Variants in ARHGAP39 observed in about 807,000 individuals in gnomAD.
The protein encoded by ARHGAP39 is Rho GTPase activating protein 39.
In ARHGAP39, 44 loss-of-function variants were observed where a neutral mutation model predicts 106.9. That is an observed-to-expected ratio of 0.41 (90% CI 0.32 to 0.53). The LOEUF is 0.53. Among genes scored for constraint, ARHGAP39 ranks in the 20% least tolerant of loss-of-function variants. The pLI, the probability that ARHGAP39 is intolerant of heterozygous loss-of-function variation, is 0.21. For missense variants in ARHGAP39, 1,496 were observed against 1,577.3 expected (o/e 0.95, Z 0.87); for synonymous variants, 768 against 693.2 (o/e 1.11, Z -1.69).
chr8:144,543,810 TGGCCCAAGATG>T (rs142031323), intron 6 of ARHGAP39: 7,189 of 152,228 alleles, frequency 0.047, 548 homozygotes, highest in African/African-American at 0.16. Context: ...GCTAGGCAGC[TGGCCCAAGATG>T]GGCCCAAGAA....
chr8:144,693,796 G>A, the ARHGAP39 span, among the ~76,000 whole-genome samples: 1 of 152,220 alleles, frequency 6.6e-6, no homozygotes, highest in South Asian at 2.1e-4. Context: ...GCACTAAATG[G>A]AAAAGGAATG....
chr8:144,567,854 C>G (rs1212486601), intron 3 of ARHGAP39, among the ~76,000 whole-genome samples: 2 of 152,204 alleles, frequency 1.3e-5, no homozygotes, highest in Non-Finnish European at 2.9e-5. Context: ...ATGGCTCACT[C>G]TCCTTATCCT....
chr8:144,615,083 G>A (rs1820599472), intron 1 of ARHGAP39, among the ~76,000 whole-genome samples: 2 of 152,266 alleles, frequency 1.3e-5, no homozygotes, highest in South Asian at 2.1e-4. Flanking sequence ...CACTTTGGGA[G>A]ACCAAGGTAG....
chr8:144,571,311 G>GAAC (rs1818578486), intron 3 of ARHGAP39, among the ~76,000 whole-genome samples: 1 of 152,194 alleles, frequency 6.6e-6, no homozygotes, highest in Non-Finnish European at 1.5e-5. Flanking sequence ...TCCCTGGGAT[G>GAAC]CAAGGCTGGT....
At chr8:144,627,272 C>A (rs1414697542) in intron 1 of ARHGAP39, among the ~76,000 whole-genome samples, 1 of 152,206 alleles carries the variant, frequency 6.6e-6, no homozygotes, top group Non-Finnish European at 1.5e-5. Flanking sequence ...AGGGGGTCCA[C>A]TGGCCGGGCG....
chr8:144,656,503 T>C (rs1936008341), intron 1 of ARHGAP39, among the ~76,000 whole-genome samples: 1 of 151,870 alleles, frequency 6.6e-6, no homozygotes, highest in Non-Finnish European at 1.5e-5. Flanking sequence ...AGGGACAAAT[T>C]CAAAAGTTAG....
chr8:144,600,038 C>T (rs1028983779), intron 2 of ARHGAP39, among the ~76,000 whole-genome samples: 7 of 152,316 alleles, frequency 4.6e-5, no homozygotes, highest in East Asian at 1.9e-4. Context: ...CGTTTGTGCG[C>T]GTGGAGGCAT....
In ARHGAP39 at chr8:144,641,452, G is replaced by A. The variant is rs78028799; in HGVS notation, c.-81-35757C>T. ...GACCCCACCATGCTCACATCGAGGA[G>A]GAATGCAGTGGCGCCCAGGTGGCCA... On this transcript the variant is annotated intron_variant, in intron 1 of 11. Transcript: ENST00000377307. The surrounding 1 kb of genome is among the most constrained non-coding windows in gnomAD (Gnocchi z 5.2). Among the ~76,000 whole-genome samples, 13,969 of 151,812 alleles carry A rather than the reference G, an allele frequency of 0.092. 1,690 individuals carry two copies. Among genetic ancestry groups the A allele is most frequent in the African/African-American group, 0.26 (10,926 of 41,336 alleles).
At position 144,682,908 on chromosome 8, in the gene ARHGAP39, T is replaced by C. The variant is rs1418642393; in HGVS notation, c.-82+2778A>G. Among the ~76,000 whole-genome samples the C allele has an allele frequency of 3.9e-4, 59 of 151,832 alleles. 1 individual carries two copies. On this transcript the variant is annotated intron_variant, in intron 1 of 11. Coordinates refer to ENST00000377307, the MANE Select transcript of ARHGAP39 (RefSeq NM_025251.3). ...GACACACACCTGTAGTCCCAGCTAC[T>C]TGGGAGGCTAAGGTGGGAGGATGCC...
chr8:144,603,045 G>C (rs376990433), intron 2 of ARHGAP39, among the ~76,000 whole-genome samples: 2 of 145,158 alleles, frequency 1.4e-5, no homozygotes, highest in Non-Finnish European at 3.0e-5. Flanking sequence ...GCGTGGAGGC[G>C]TGTGTGTGAG....
At chr8:144,595,615 G>A (rs1413358988) in intron 2 of ARHGAP39, among the ~76,000 whole-genome samples, 2 of 152,242 alleles carry the variant, frequency 1.3e-5, no homozygotes, top group African/African-American at 4.8e-5. Flanking sequence ...AGGCCCCATC[G>A]GGCTGCCCTC....
intron 1 of ARHGAP39, among the ~76,000 whole-genome samples, chr8:144,606,588 T>C (rs745822655): frequency 6.6e-6 from 1 of 152,088 alleles, no homozygotes; most frequent in Non-Finnish European, 1.5e-5. Context: ...AGGCTGTTTG[T>C]AGTTAAGAGA....
At position 144,586,528 on chromosome 8, in the gene ARHGAP39, C is replaced by T. The variant is rs1819191575; in HGVS notation, c.81-5251G>A. On this transcript the variant is annotated intron_variant, in intron 2 of 11. Coordinates refer to ENST00000377307, the MANE Select transcript of ARHGAP39 (RefSeq NM_025251.3). This position sits in a 1 kb window ranked among gnomAD's most constrained non-coding sequence, Gnocchi z 4.2. ...CAGTTCTCTCTCCAGGATGCCAGAT[C>T]CCATGTGGCAGTCCCAGGCTCCCCT... The T allele has an allele frequency of 6.6e-6, 1 of 152,420 alleles. No homozygotes were observed. Among genetic ancestry groups the T allele is most frequent in the South Asian group, 2.1e-4 (1 of 4,836 alleles). 9.4% of individuals were successfully genotyped at this position (152,420 alleles called of 1,614,324 possible).
At position 144,591,490 on chromosome 8, in the gene ARHGAP39, G is replaced by C. The variant is rs1423358482; in HGVS notation, c.81-10213C>G. Among the ~76,000 whole-genome samples, 1 of 152,190 alleles carries C rather than the reference G, an allele frequency of 6.6e-6. No homozygotes were observed. The highest frequency in any genetic ancestry group is 1.5e-5 in the Non-Finnish European group (1 of 68,036). On this transcript the variant is annotated intron_variant, in intron 2 of 11. Transcript: ENST00000377307. The surrounding 1 kb of genome is among the most constrained non-coding windows in gnomAD (Gnocchi z 5.3). Reference sequence around the variant, plus strand: ...TTCAGGTGAACGGACCCTGAAGAAGGACTTGTTTGCATCCCCTTCCACCAT... The same window carrying C: ...TTCAGGTGAACGGACCCTGAAGAAGCACTTGTTTGCATCCCCTTCCACCAT...
In ARHGAP39 at chr8:144,530,249, G is replaced by T; in HGVS notation, c.*173C>A. ...TCCCCGCCGCTGCTGTGCCCTGGCTGCACCCTCAGACCAGGCAGAAGACGT... is the reference window on the plus strand; with the variant it reads ...TCCCCGCCGCTGCTGTGCCCTGGCTTCACCCTCAGACCAGGCAGAAGACGT... On this transcript the variant is annotated 3_prime_UTR_variant, in exon 12 of 12. Transcript: ENST00000377307. 1.4e-6 allele frequency: 1 copy of T among 713,894 alleles called. No individual in the cohort carries two copies. The highest frequency in any genetic ancestry group is 2.3e-6 in the Non-Finnish European group (1 of 443,292). 44.2% of individuals were successfully genotyped at this position (713,894 alleles called of 1,614,324 possible). A position where few individuals can be genotyped will look rare whatever the true frequency, so the allele number is the denominator to read the frequency against.
intron 2 of ARHGAP39, among the ~76,000 whole-genome samples, chr8:144,603,920 G>A (rs574151632): frequency 1.3e-5 from 2 of 152,160 alleles, no homozygotes; most frequent in Admixed American, 6.5e-5. Context: ...GACGCTTAGG[G>A]GCCTATCTGG....
At chr8:144,640,361 G>A (rs1251803312) in intron 1 of ARHGAP39, among the ~76,000 whole-genome samples, 1 of 152,152 alleles carries the variant, frequency 6.6e-6, no homozygotes. Flanking sequence ...ATAGGGGTGG[G>A]TCTTTCCCAT....
At chr8:144,569,067 G>C (rs1374407240) in intron 3 of ARHGAP39, among the ~76,000 whole-genome samples, 1 of 152,144 alleles carries the variant, frequency 6.6e-6, no homozygotes, top group Non-Finnish European at 1.5e-5. Flanking sequence ...ATGCCTACAG[G>C]AAAACTCACA....
intron 3 of ARHGAP39, among the ~76,000 whole-genome samples, chr8:144,558,800 C>T (rs982370614): frequency 6.6e-6 from 1 of 151,928 alleles, no homozygotes; most frequent in African/African-American, 2.4e-5. Flanking sequence ...AGGCTGGGCA[C>T]GGTGGCTCAT....
Sources: allele counts gnomAD v4.1 joint callset (sites outside exome capture counted in the v4.1 genomes callset), GRCh38; gene constraint gnomAD v4.1.1; non-coding constraint Gnocchi (gnomAD v3.1); transcripts MANE v1.5; gene names NCBI Gene and HGNC (gene_info 2026-07-23, HGNC 2026-07-21).